The following DLGAP4 variants were observed in gnomAD, a reference collection of about 807,000 sequenced individuals.
The protein encoded by DLGAP4 is disks large-associated protein 4.
DLGAP4 carries 18 observed loss-of-function variants against 86.9 expected under a neutral mutation model. The observed-to-expected ratio is 0.21, with a 90% CI of 0.14 to 0.31. The LOEUF (loss-of-function observed/expected upper bound fraction) is 0.31, where lower values mean the gene tolerates loss of function less well. Among genes scored for constraint, DLGAP4 ranks in the 10% least tolerant of loss-of-function variants. The pLI is 1.00. For missense variants in DLGAP4, 1,085 were observed against 1,362.6 expected, an observed-to-expected ratio of 0.80 and a Z score of 3.21; for synonymous variants, 548 against 574.3, an observed-to-expected ratio of 0.95 and a Z score of 0.65.
At chr20:36,524,501 GCACA>G (rs2037580912) in intron 11 of DLGAP4, among the ~76,000 whole-genome samples, 160 bp downstream of exon 11, 1 of 152,216 alleles carries the variant, frequency 6.6e-6, no homozygotes, top group Non-Finnish European at 1.5e-5. Flanking sequence ...TCAGTGTCTA[GCACA>G]AGAAAGGGGG....
Position 36,432,495 on chromosome 20 carries a change from A to G in DLGAP4, c.778A>G (p.Asn260Asp), listed in dbSNP as rs763370015. Residue 260 changes from asparagine (N) to aspartate (D), a missense_variant, in exon 3 of 13, where the codon AAC becomes GAC. This residue lies in a region of DLGAP4 where 1,082 missense variants were observed against 1,344.1 expected (regional missense o/e 0.81). Transcript: ENST00000339266. This position sits in a 1 kb window ranked among gnomAD's most constrained non-coding sequence, Gnocchi z 6.5. ...GCACATGCTCAAAACCACCAAGAACAACACTACTGAGCTGACTGCCCCACC... is the reference window on the plus strand; with the variant it reads ...GCACATGCTCAAAACCACCAAGAACGACACTACTGAGCTGACTGCCCCACC... The part of the protein sequence containing the change: ...SGHMLKTTKN[N>D]TTELTAPPPP... 1 of 1,613,072 alleles carries G rather than the reference A, an allele frequency of 6.2e-7. No individual in the cohort carries two copies. The highest frequency in any genetic ancestry group is 1.1e-5 in the South Asian group (1 of 91,050).
chr20:36,336,158 G>A lies in DLGAP4; in HGVS notation c.-304+29646G>A, dbSNP rs181884096. On this transcript the variant is annotated intron_variant, in intron 1 of 12. Transcript: ENST00000339266. The stretch of plus-strand genomic sequence containing the variant: ...ACGAACTTCCTCCATTTCCATCCTC[G>A]TAACCACCTACGACATCTTTCCATG... Among the ~76,000 whole-genome samples, 373 of 152,170 alleles carry A rather than the reference G, an allele frequency of 2.5e-3. 2 individuals carry two copies. The highest frequency in any genetic ancestry group is 8.6e-3 in the African/African-American group (359 of 41,520).
intron 1 of DLGAP4, among the ~76,000 whole-genome samples, chr20:36,347,567 A>C (rs2029985151): frequency 6.6e-6 from 1 of 151,920 alleles, no homozygotes; most frequent in East Asian, 1.9e-4. Context: ...TGGCACTCTC[A>C]TGGAAAAGCT....
Position 36,527,253 on chromosome 20 carries a change from C to A in DLGAP4, c.*222C>A. On this transcript the variant is annotated 3_prime_UTR_variant, in exon 13 of 13. Transcript: ENST00000339266. ...TCACAAAAAAAATCAACAAAAATCA[C>A]GAAACTAGAAAACTTTTTTTTTCCT... The A allele has an allele frequency of 2.2e-6, 1 of 463,348 alleles. No individual in the cohort carries two copies. The highest frequency in any genetic ancestry group is 3.8e-6 in the Non-Finnish European group (1 of 265,288). 28.7% of individuals were successfully genotyped at this position (463,348 alleles called of 1,614,324 possible).
intron 10 of DLGAP4, among the ~76,000 whole-genome samples, chr20:36,519,988 G>GTC (rs1285268056): frequency 6.6e-6 from 1 of 151,620 alleles, no homozygotes; most frequent in Non-Finnish European, 1.5e-5. Context: ...TAGAGAAGAG[G>GTC]TCTCACTGTG....
At chr20:36,466,949 TCTCTCTCTCTCTCTCTGTCTCTCTC>T (rs2034391034) in intron 7 of DLGAP4, among the ~76,000 whole-genome samples, 5 of 137,118 alleles carry the variant, frequency 3.6e-5, no homozygotes, top group Non-Finnish European at 7.5e-5. Flanking sequence ...TCTCTCTGTC[TCTCTCTCTCTCTCTCTGTCTCTCTC>T]CTCTCTCTCT....
At chr20:36,439,895 T>A in intron 5 of DLGAP4, 27 bp downstream of exon 5, 3 of 1,591,716 alleles carry the variant, frequency 1.9e-6, no homozygotes, top group Non-Finnish European at 2.6e-6. Context: ...GGCTGGAGAG[T>A]CAGGGGGCTT....
chr20:36,407,349 G>T (rs966192925), intron 2 of DLGAP4, among the ~76,000 whole-genome samples: 9 of 152,120 alleles, frequency 5.9e-5, no homozygotes, highest in African/African-American at 2.2e-4. Context: ...CCTTTAAAAT[G>T]TGATTCTAAA....
At chr20:36,311,056 G>A (rs1378447906) in intron 1 of DLGAP4, among the ~76,000 whole-genome samples, 2 of 152,176 alleles carry the variant, frequency 1.3e-5, no homozygotes, top group Non-Finnish European at 2.9e-5. Flanking sequence ...GGCCAGGACT[G>A]AAGCCTTTAG....
chr20:36,443,731 G>A lies in DLGAP4; in HGVS notation c.1407+954G>A, dbSNP rs189322623. On this transcript the variant is annotated intron_variant, in intron 6 of 12. Transcript: ENST00000339266. ...CCTCAGTGATACACATACCAGCAGCGCTGACCAGCTGGCCTCCCCACCGAC... is the reference window on the plus strand; with the variant it reads ...CCTCAGTGATACACATACCAGCAGCACTGACCAGCTGGCCTCCCCACCGAC... Among the ~76,000 whole-genome samples the A allele has an allele frequency of 9.2e-5, 14 of 152,084 alleles. 1 individual carries two copies. The highest frequency in any genetic ancestry group is 8.5e-4 in the Admixed American group (13 of 15,254).
At chr20:36,325,025 GT>G (rs565858865) in intron 1 of DLGAP4, among the ~76,000 whole-genome samples, 265 of 150,730 alleles carry the variant, frequency 1.8e-3, no homozygotes, top group South Asian at 7.3e-3. Flanking sequence ...TTCTAGTTTT[GT>G]TTTTTTTAAG....
intron 7 of DLGAP4, among the ~76,000 whole-genome samples, chr20:36,474,311 C>T (rs979656792): frequency 2.0e-5 from 3 of 152,014 alleles, no homozygotes; most frequent in Admixed American, 1.3e-4. Context: ...AGGGGAGAGG[C>T]GAATGCTCTG....
At chr20:36,342,020 C>T (rs1181008523) in intron 1 of DLGAP4, among the ~76,000 whole-genome samples, 1 of 152,172 alleles carries the variant, frequency 6.6e-6, no homozygotes, top group African/African-American at 2.4e-5. Flanking sequence ...GTGTCGGGGA[C>T]AAGAGGGTTC....
chr20:36,518,745 G>A (rs1392183114), intron 10 of DLGAP4, among the ~76,000 whole-genome samples: 1 of 152,012 alleles, frequency 6.6e-6, no homozygotes, highest in Non-Finnish European at 1.5e-5. Flanking sequence ...GAGGCAGGAG[G>A]ATCAGTTCAG....
At chr20:36,442,614 C>T (rs567690222) in intron 5 of DLGAP4, 113 bp from the exon 6 acceptor site, 12 of 1,177,496 alleles carry the variant, frequency 1.0e-5, no homozygotes, top group Non-Finnish European at 1.5e-5. Flanking sequence ...CCCAGCCAGT[C>T]TGGGGAGGAG....
intron 1 of DLGAP4, among the ~76,000 whole-genome samples, chr20:36,328,965 G>A (rs1039822635): frequency 6.6e-6 from 1 of 152,140 alleles, no homozygotes; most frequent in African/African-American, 2.4e-5. Context: ...TAGTAGAGAT[G>A]GGGTGTCACC....
At chr20:36,506,583 T>C (rs2036386375) in intron 10 of DLGAP4, among the ~76,000 whole-genome samples, 1 of 152,240 alleles carries the variant, frequency 6.6e-6, no homozygotes, top group African/African-American at 2.4e-5. Context: ...ATTGACTGAA[T>C]TTTGCATTGC....
At chr20:36,466,292 A>G (rs576713758) in intron 7 of DLGAP4, among the ~76,000 whole-genome samples, 47 of 152,310 alleles carry the variant, frequency 3.1e-4, no homozygotes, top group African/African-American at 1.0e-3. Context: ...CCTCCCTATC[A>G]GATTGGGATG....
At chr20:36,443,558 C>T (rs530105154) in intron 6 of DLGAP4, among the ~76,000 whole-genome samples, 18 of 152,252 alleles carry the variant, frequency 1.2e-4, no homozygotes, top group Non-Finnish European at 1.3e-4. Flanking sequence ...GCTGTGTGTT[C>T]CTCCTGAACA....
Sources: allele counts gnomAD v4.1 joint callset (sites outside exome capture counted in the v4.1 genomes callset), GRCh38; gene constraint gnomAD v4.1.1; regional missense constraint gnomAD v4.1.1; non-coding constraint Gnocchi (gnomAD v3.1); transcripts MANE v1.5; gene names NCBI Gene and HGNC (gene_info 2026-07-23, HGNC 2026-07-21).